The following EFL1 variants were observed in gnomAD, a reference collection of about 807,000 sequenced individuals.
The protein encoded by EFL1 is elongation factor-like GTPase 1.
EFL1 carries 76 observed loss-of-function variants against 126.7 expected under a neutral mutation model. The observed-to-expected ratio is 0.60, with a 90% CI of 0.50 to 0.73. The LOEUF (loss-of-function observed/expected upper bound fraction) is 0.73. Among genes scored for constraint, EFL1 ranks in the 30% least tolerant of loss-of-function variants. The pLI is 0.00. For synonymous variants in EFL1, 410 were observed against 448.4 expected, an observed-to-expected ratio of 0.91 and a Z score of 1.08; for missense variants, 1,128 against 1,343.2, an observed-to-expected ratio of 0.84 and a Z score of 2.50.
In EFL1 at chr15:82,252,752, T is replaced by A; in HGVS notation, c.183A>T (p.Glu61Asp). The change falls in exon 4 of 20, where the codon GAA (glutamate) becomes GAT (aspartate). Residue 61 changes from glutamate (E) to aspartate (D), a missense_variant. This residue lies in a region of EFL1 where 118 missense variants were observed against 188.1 expected (regional missense o/e 0.63). Coordinates refer to ENST00000268206, the MANE Select transcript of EFL1 (RefSeq NM_024580.6). ...TAGTGATCCCTCGGATCTGTTCATC[T>A]TCTCTGCTGTCCATGTACCTTAACT... is the stretch of plus-strand genomic sequence containing the variant. ...AGKLRYMDSR[E>D]DEQIRGITMK... is the part of the protein sequence containing the mutation. 6.2e-7 allele frequency: 1 copy of A among 1,608,656 alleles called. No individual in the cohort carries two copies.
chr15:82,151,700 A>G lies in EFL1; in HGVS notation c.2754T>C (p.Asn918=). ...TTTCATTTCCACCAGAACAGGTTTC[A>G]TTTTCCTCCTGTCCCTCTTTTGCCA... ...SDLAKEGQEE[N]ETCSGGNENQ... is the part of the protein sequence containing the mutation. The change falls in exon 18 of 20, where the codon AAT becomes AAC. Residue 918 remains asparagine (N), a synonymous_variant. Coordinates refer to ENST00000268206, the MANE Select transcript of EFL1 (RefSeq NM_024580.6). 1 of 1,614,024 alleles carries G rather than the reference A, an allele frequency of 6.2e-7. No individual in the cohort carries two copies. Among genetic ancestry groups the G allele is most frequent in the South Asian group, 1.1e-5 (1 of 91,076 alleles).
chr15:82,208,809 C>T (rs553474061), intron 15 of EFL1, among the ~76,000 whole-genome samples: 9 of 151,806 alleles, frequency 5.9e-5, no homozygotes, highest in Non-Finnish European at 1.0e-4. Flanking sequence ...AATACTTTCC[C>T]GGCACAATAA....
intron 15 of EFL1, among the ~76,000 whole-genome samples, chr15:82,212,972 G>T (rs1298946969): frequency 1.3e-5 from 2 of 152,186 alleles, no homozygotes; most frequent in African/African-American, 4.8e-5. Flanking sequence ...AGGCCATCTT[G>T]CTTCTACGGG....
Position 82,214,742 on chromosome 15 carries a change from C to T in EFL1, c.1725G>A (p.Glu575=). Residue 575 remains glutamate (E), a synonymous_variant, in exon 15 of 20, where the codon GAG becomes GAA. Coordinates refer to ENST00000268206, the MANE Select transcript of EFL1 (RefSeq NM_024580.6). ...CTAGCACATTTCCTGGAGGTACCTC[C>T]TCTAGATATTCCAGTTCCCTTCCCA... ...LLMGRELEYL[E]EVPPGNVLGI... The T allele has an allele frequency of 6.3e-7, 1 of 1,594,148 alleles. No individual in the cohort carries two copies. Among genetic ancestry groups the T allele is most frequent in the South Asian group, 1.1e-5 (1 of 88,860 alleles).
chr15:82,162,247 C>T (rs1432979217), intron 16 of EFL1, among the ~76,000 whole-genome samples: 1 of 152,136 alleles, frequency 6.6e-6, no homozygotes, highest in African/African-American at 2.4e-5. Flanking sequence ...TGAGCCACTG[C>T]ACTCCGGCCT....
intron 4 of EFL1, among the ~76,000 whole-genome samples, chr15:82,250,988 G>C (rs2075015646): frequency 6.6e-6 from 1 of 152,028 alleles, no homozygotes; most frequent in African/African-American, 2.4e-5. Flanking sequence ...GAGGCGGGCG[G>C]ATCACCTGCG....
chr15:82,209,075 T>C (rs1055824449), intron 15 of EFL1, among the ~76,000 whole-genome samples: 1 of 152,134 alleles, frequency 6.6e-6, no homozygotes, highest in Non-Finnish European at 1.5e-5. Context: ...GAAATGACTA[T>C]TAGGTTTTCA....
chr15:82,160,740 G>A, intron 16 of EFL1, among the ~76,000 whole-genome samples: 1 of 152,268 alleles, frequency 6.6e-6, no homozygotes, highest in Non-Finnish European at 1.5e-5. Context: ...TCCCACAAGT[G>A]AAGATCCAGC....
rs541216451 is a variant in EFL1, at chr15:82,139,501, TC to T, written c.2990-660del. ...TCTCTTGGATGACTCTTTCAATTCA[TC>T]TTTAGGCACAATTCTGCCTCACACT... On this transcript the variant is annotated intron_variant, in intron 18 of 19. Transcript: ENST00000268206. Among the ~76,000 whole-genome samples the T allele has an allele frequency of 2.1e-3, 313 of 152,312 alleles. 3 individuals are homozygous for T. Among genetic ancestry groups the T allele is most frequent in the African/African-American group, 7.4e-3 (307 of 41,570 alleles).
chr15:82,218,089 C>G (rs545250103), intron 14 of EFL1, among the ~76,000 whole-genome samples: 28 of 152,238 alleles, frequency 1.8e-4, no homozygotes, highest in African/African-American at 6.7e-4. Flanking sequence ...TGCACCCTGG[C>G]CAACATTCTG....
In EFL1 at chr15:82,166,746, A is replaced by G. The variant is rs79776623; in HGVS notation, c.1751-2762T>C. On this transcript the variant is annotated intron_variant, in intron 15 of 19. Transcript: ENST00000268206. ...TAATATTGCCACTATTTTCATTTTT[A>G]TATTTCTCTTTTTTCTTCTCTATTG... is the stretch of plus-strand genomic sequence containing the variant. 1.4e-4 allele frequency among the ~76,000 whole-genome samples: 22 copies of G among 152,266 alleles called. No individual in the cohort carries two copies. The East Asian group carries it at 4.2e-3, about 29-fold the overall frequency.
chr15:82,240,390 A>AT, intron 6 of EFL1, 28 bp downstream of exon 6: 1 of 1,544,874 alleles, frequency 6.5e-7, no homozygotes, highest in Non-Finnish European at 8.7e-7. Context: ...TCGTGGCTAA[A>AT]TTTTTTAAAT....
chr15:82,209,175 A>G (rs2074556813), intron 15 of EFL1, among the ~76,000 whole-genome samples: 1 of 152,208 alleles, frequency 6.6e-6, no homozygotes, highest in Non-Finnish European at 1.5e-5. Context: ...AAAACATTAT[A>G]AAAGTATCAC....
chr15:82,153,742 T>A (rs2073937729), intron 17 of EFL1, among the ~76,000 whole-genome samples: 1 of 152,218 alleles, frequency 6.6e-6, no homozygotes, highest in Non-Finnish European at 1.5e-5. Flanking sequence ...ATAGGTTATA[T>A]GAAAATTAAT....
chr15:82,209,310 G>GACAC (rs1439189664), intron 15 of EFL1, among the ~76,000 whole-genome samples: 1,352 of 94,902 alleles, frequency 0.014, 15 homozygotes, highest in African/African-American at 0.026. Context: ...TTCACACACA[G>GACAC]ACACAGACAC....
intron 15 of EFL1, among the ~76,000 whole-genome samples, chr15:82,181,794 C>T (rs1016435468): frequency 1.2e-4 from 18 of 152,170 alleles, no homozygotes; most frequent in Non-Finnish European, 2.2e-4. Context: ...CTTATTATAA[C>T]ACCACTGCTT....
chr15:82,261,583 C>G, intron 2 of EFL1, 105 bp downstream of exon 2: 1 of 1,109,154 alleles, frequency 9.0e-7, no homozygotes, highest in Non-Finnish European at 1.3e-6. Context: ...AGACTTGCTT[C>G]TTAGCAAACA....
chr15:82,247,386 A>G (rs2074982555), intron 4 of EFL1, among the ~76,000 whole-genome samples: 1 of 152,142 alleles, frequency 6.6e-6, no homozygotes, highest in Non-Finnish European at 1.5e-5. Context: ...TAGAAGATTC[A>G]GGTAAAAAGA....
chr15:82,258,666 C>A (rs1375129887), intron 3 of EFL1, among the ~76,000 whole-genome samples: 1 of 152,188 alleles, frequency 6.6e-6, no homozygotes, highest in Non-Finnish European at 1.5e-5. Flanking sequence ...ATTCTCCCTG[C>A]CAGTATGTTT....
Sources: allele counts gnomAD v4.1 joint callset (sites outside exome capture counted in the v4.1 genomes callset), GRCh38; gene constraint gnomAD v4.1.1; regional missense constraint gnomAD v4.1.1; transcripts MANE v1.5; gene names NCBI Gene and HGNC (gene_info 2026-07-23, HGNC 2026-07-21).